Variants in FAM153A observed in about 807,000 individuals in gnomAD.
FAM153A encodes the protein family with sequence similarity 153 member A, also known as protein FAM153A.
FAM153A carries 12 observed loss-of-function variants against 48.1 expected under a neutral mutation model. The ratio of observed to expected loss-of-function variants is 0.25; its 90% CI spans 0.16 to 0.40. The LOEUF (loss-of-function observed/expected upper bound fraction) is 0.40, where lower values mean the gene tolerates loss of function less well. Ranked by LOEUF, FAM153A falls within the 10% of genes least tolerant of loss-of-function variation. The pLI is 1.00. For synonymous variants in FAM153A, 36 were observed against 118.2 expected (o/e 0.30, Z 4.51); for missense variants, 111 against 345.8 (o/e 0.32, Z 5.38).
At chr5:177,705,620 T>C (rs1757805224), downstream of FAM153A, among the ~76,000 whole-genome samples, 1 of 145,090 alleles carries the variant, frequency 6.9e-6, no homozygotes, top group African/African-American at 2.5e-5. Context: ...GTAAAACTTG[T>C]GCACTGAAAA....
chr5:177,721,665 G>A (rs926427054), downstream of FAM153A, among the ~76,000 whole-genome samples: 1 of 65,300 alleles, frequency 1.5e-5, no homozygotes, highest in African/African-American at 5.3e-5. Context: ...GCTACAGATG[G>A]ATGCTACCAT....
chr5:177,699,270 C>T, the FAM153A span, among the ~76,000 whole-genome samples: 6 of 151,314 alleles, frequency 4.0e-5, no homozygotes, highest in South Asian at 2.1e-4. Flanking sequence ...CTTAAACTTC[C>T]ACTTTAAGAA....
At chr5:177,764,139 C>G (rs1314595200) in intron 1 of FAM153A, among the ~76,000 whole-genome samples, 163 of 137,708 alleles carry the variant, frequency 1.2e-3, no homozygotes, top group African/African-American at 3.3e-3. Flanking sequence ...CGTGGCTGGT[C>G]GCCTTGAGCA....
At chr5:177,738,305 G>C (rs1281570565) in intron 10 of FAM153A, among the ~76,000 whole-genome samples, 1 of 151,328 alleles carries the variant, frequency 6.6e-6, no homozygotes, top group African/African-American at 2.5e-5. Flanking sequence ...CTTTGGATCA[G>C]GAGATGAGAA....
chr5:177,769,097 G>A (rs1768949342), intron 1 of FAM153A, among the ~76,000 whole-genome samples: 1 of 87,936 alleles, frequency 1.1e-5, no homozygotes, highest in Admixed American at 1.2e-4. Context: ...GCCGGGCTTT[G>A]TGGCGGGTGC....
At chr5:177,782,110 T>C (rs1364710102), upstream of FAM153A, 1 of 118,480 alleles carries the variant, frequency 8.4e-6, no homozygotes, top group Admixed American at 8.9e-5. Flanking sequence ...GTTTTAAACG[T>C]GTAGGTTAAA....
chr5:177,737,295 C>T (rs777494419), intron 10 of FAM153A, among the ~76,000 whole-genome samples, 183 bp from the exon 13 acceptor site: 12 of 151,758 alleles, frequency 7.9e-5, no homozygotes, highest in African/African-American at 1.2e-4. Flanking sequence ...ATCAGGAAGG[C>T]CTCAGAAGAC....
intron 1 of FAM153A, among the ~76,000 whole-genome samples, chr5:177,759,981 C>CA (rs1001392081): frequency 2.9e-4 from 41 of 141,856 alleles, no homozygotes; most frequent in South Asian, 6.6e-4. Context: ...TAAAAAAAAA[C>CA]AAAAAAAACT....
intron 18 of FAM153A, among the ~76,000 whole-genome samples, chr5:177,726,151 G>A (rs2127600175): frequency 7.2e-6 from 1 of 139,492 alleles, no homozygotes; most frequent in East Asian, 2.1e-4. Flanking sequence ...GAAAGACAGT[G>A]GGCTCCTTTC....
upstream of FAM153A, among the ~76,000 whole-genome samples, chr5:177,755,649 C>A (rs1404629888): frequency 6.6e-6 from 1 of 151,762 alleles, no homozygotes; most frequent in African/African-American, 2.4e-5. Flanking sequence ...GGCATAAACT[C>A]CACAAGCCAG....
At chr5:177,721,929 A>C (rs917615796), downstream of FAM153A, 1 of 150,870 alleles carries the variant, frequency 6.6e-6, no homozygotes, top group Non-Finnish European at 1.5e-5. Context: ...TTGTTTTAAA[A>C]ATGAGGTAAA....
rs564958342 is a variant in FAM153A at position 177,758,902 on chromosome 5, A to G, written c.-56-10203T>C. Among the ~76,000 whole-genome samples, 37 of 151,464 alleles carry G rather than the reference A, an allele frequency of 2.4e-4. 1 individual carries two copies. Among genetic ancestry groups the G allele is most frequent in the South Asian group, 1.7e-3 (8 of 4,780 alleles). On this transcript the variant is annotated intron_variant, in intron 1 of 8. Coordinates refer to the FAM153A transcript ENST00000393518. Reference sequence around the variant, plus strand: ...AGAAAACCTAGGCAATACCATTCAGAACATAGGCATGGGCAAGGACTTCAT... The same window carrying G: ...AGAAAACCTAGGCAATACCATTCAGGACATAGGCATGGGCAAGGACTTCAT...
chr5:177,697,487 C>A, the FAM153A span, among the ~76,000 whole-genome samples: 3 of 151,548 alleles, frequency 2.0e-5, no homozygotes, highest in Non-Finnish European at 4.4e-5. Context: ...TCATCTGCAG[C>A]TGAGGCAGAG....
upstream of FAM153A, among the ~76,000 whole-genome samples, chr5:177,781,264 A>ATTTTTTTTTTTTTTTTTTTTTT (rs1303137176): frequency 2.7e-5 from 2 of 75,308 alleles, no homozygotes; most frequent in African/African-American, 5.9e-5. Context: ...ACGCCCGGCT[A>ATTTTTTTTTTTTTTTTTTTTTT]TTTTTTTTTT....
chr5:177,761,138 T>C (rs62399964), intron 1 of FAM153A, among the ~76,000 whole-genome samples: 82,294 of 144,328 alleles, frequency 0.57, 23,804 homozygotes, highest in African/African-American at 0.61. Context: ...AGAACTTACA[T>C]GACTACCACC....
intron 1 of FAM153A, among the ~76,000 whole-genome samples, chr5:177,760,566 T>C (rs933451807): frequency 4.2e-5 from 1 of 23,894 alleles, no homozygotes; most frequent in Non-Finnish European, 7.8e-5. Context: ...AAACAGAATA[T>C]GTTAGGAAGA....
In FAM153A at chr5:177,764,565, G is replaced by C. The variant is rs1004652113; in HGVS notation, c.-56-15866C>G. On this transcript the variant is annotated intron_variant, in intron 1 of 8. Coordinates refer to the FAM153A transcript ENST00000393518. ...AGTAAAAGCAGCAGTGAACAACCAG[G>C]CTGGCCTCAGGAGGACAGCTTTGAA... Among the ~76,000 whole-genome samples, 7 of 124,842 alleles carry C rather than the reference G, an allele frequency of 5.6e-5. 2 individuals carry two copies. The highest frequency in any genetic ancestry group is 1.2e-4 in the Non-Finnish European group (7 of 56,408). The allele number at this position is 124,842 out of a possible 152,430, so 81.9% of individuals were successfully genotyped here.
chr5:177,745,812 G>A lies in FAM153A; in HGVS notation c.260-845C>T, dbSNP rs1298955226. ...TGTCTGCTTTTGAACAGGAGCTGAG[G>A]AATGACCTCAACGCTGTAGACCAAA... is the stretch of plus-strand genomic sequence containing the variant. On this transcript the variant is annotated intron_variant, in intron 4 of 20. Transcript: ENST00000614127. Among the ~76,000 whole-genome samples the A allele has an allele frequency of 3.3e-5, 5 of 151,954 alleles. No homozygotes were observed. In the East Asian group the frequency reaches 9.6e-4, roughly 29 times the overall value.
At chr5:177,756,458 A>G (rs2127705446), upstream of FAM153A, among the ~76,000 whole-genome samples, 1 of 142,004 alleles carries the variant, frequency 7.0e-6, no homozygotes, top group Non-Finnish European at 1.5e-5. Context: ...ATATCCAGGA[A>G]TTGAACTCAG....
Sources: gnomAD v4.1 joint callset for allele counts (sites outside exome capture counted in the v4.1 genomes callset) on GRCh38, gnomAD v4.1.1 for gene constraint, MANE v1.5 for transcripts, NCBI Gene and HGNC (gene_info 2026-07-23, HGNC 2026-07-21) for gene names.